KCTD8: variants seen among roughly 807,000 people sequenced by gnomAD.
KCTD8 encodes BTB/POZ domain-containing protein KCTD8.
KCTD8 carries 27 observed loss-of-function variants against 31.5 expected under a neutral mutation model. The observed-to-expected ratio is 0.86, with a 90% CI of 0.63 to 1.18. The LOEUF (loss-of-function observed/expected upper bound fraction) is 1.18, where lower values mean the gene tolerates loss of function less well. Among genes scored for constraint, KCTD8 ranks in the 50% most tolerant of loss-of-function variants. The pLI is 0.00. For synonymous variants in KCTD8, 290 were observed against 280.0 expected (o/e 1.04, Z -0.36); for missense variants, 658 against 647.7 (o/e 1.02, Z -0.17).
intron 1 of KCTD8, among the ~76,000 whole-genome samples, chr4:44,414,394 C>T (rs1721025767): frequency 1.3e-5 from 2 of 152,124 alleles, no homozygotes; most frequent in Admixed American, 6.5e-5. Flanking sequence ...ACCATGCAGA[C>T]TTCCAATGAC....
intron 1 of KCTD8, among the ~76,000 whole-genome samples, chr4:44,301,936 G>T (rs1466606914): frequency 3.3e-5 from 5 of 152,236 alleles, no homozygotes; most frequent in Non-Finnish European, 5.9e-5. Flanking sequence ...TTCTACATAT[G>T]GCTAGCCAGT....
At chr4:44,266,820 G>C (rs1716384933) in intron 1 of KCTD8, among the ~76,000 whole-genome samples, 1 of 152,030 alleles carries the variant, frequency 6.6e-6, no homozygotes, top group Non-Finnish European at 1.5e-5. Context: ...ATGGTAAAGG[G>C]ATCAATTCAA....
chr4:44,358,058 C>G (rs1451056803), intron 1 of KCTD8, among the ~76,000 whole-genome samples: 1 of 151,854 alleles, frequency 6.6e-6, no homozygotes, highest in Non-Finnish European at 1.5e-5. Flanking sequence ...AGCCCCCCAC[C>G]CCCCAAAGCC....
chr4:44,339,956 A>G (rs914501410), intron 1 of KCTD8, among the ~76,000 whole-genome samples: 5 of 152,192 alleles, frequency 3.3e-5, no homozygotes, highest in Non-Finnish European at 5.9e-5. Context: ...AAAACTCAAT[A>G]AAAATTGGAA....
At chr4:44,386,260 C>T (rs191584149) in intron 1 of KCTD8, among the ~76,000 whole-genome samples, 96 of 151,490 alleles carry the variant, frequency 6.3e-4, no homozygotes, top group Admixed American at 3.6e-3. Context: ...TGTTTAGAGA[C>T]GCCATATTCA....
intron 1 of KCTD8, among the ~76,000 whole-genome samples, chr4:44,237,190 C>T (rs796663758): frequency 7.2e-5 from 11 of 152,188 alleles, no homozygotes; most frequent in African/African-American, 2.4e-4. Context: ...GAATTTCCCA[C>T]TGCACTCCTA....
chr4:44,319,716 T>C (rs1338177478), intron 1 of KCTD8, among the ~76,000 whole-genome samples: 1 of 151,990 alleles, frequency 6.6e-6, no homozygotes, highest in Non-Finnish European at 1.5e-5. Flanking sequence ...TGCCAAAAAG[T>C]AAAGAATTTG....
At chr4:44,197,023 T>C (rs1713964395) in intron 1 of KCTD8, among the ~76,000 whole-genome samples, 1 of 152,168 alleles carries the variant, frequency 6.6e-6, no homozygotes, top group Non-Finnish European at 1.5e-5. Flanking sequence ...ACTTGCTAGC[T>C]TGGGCTTCCA....
intron 1 of KCTD8, among the ~76,000 whole-genome samples, chr4:44,283,842 C>T (rs972421923): frequency 1.3e-5 from 2 of 152,082 alleles, no homozygotes; most frequent in African/African-American, 4.8e-5. Context: ...AACAGACAAA[C>T]AGAGAGCCAA....
At chr4:44,237,641 T>G (rs1056558944) in intron 1 of KCTD8, among the ~76,000 whole-genome samples, 1 of 152,208 alleles carries the variant, frequency 6.6e-6, no homozygotes, top group African/African-American at 2.4e-5. Context: ...AAAAGAGGAA[T>G]TATGTTATTA....
At position 44,423,644 on chromosome 4, in the gene KCTD8, G is replaced by C. The variant is rs1013903729; in HGVS notation, c.961+23919C>G. On this transcript the variant is annotated intron_variant, in intron 1 of 1. Coordinates refer to ENST00000360029, the MANE Select transcript of KCTD8 (RefSeq NM_198353.3). ...TCTAAAGACAAATGGAGGGTGGAAA[G>C]TTAACAGGAAATAAAGTAAGTAATA... 3.3e-5 allele frequency among the ~76,000 whole-genome samples: 5 copies of C among 152,148 alleles called. No homozygotes were observed. The East Asian group carries it at 7.7e-4, about 24-fold the overall frequency.
chr4:44,425,330 C>T (rs1041659580), intron 1 of KCTD8, among the ~76,000 whole-genome samples: 8 of 151,976 alleles, frequency 5.3e-5, no homozygotes, highest in African/African-American at 1.9e-4. Context: ...AAACAAATAA[C>T]AGAGAAAATG....
intron 1 of KCTD8, among the ~76,000 whole-genome samples, chr4:44,192,604 A>G (rs1263514017): frequency 6.6e-6 from 1 of 152,164 alleles, no homozygotes; most frequent in African/African-American, 2.4e-5. Flanking sequence ...ATCCTTCAGC[A>G]ACATGTCACT....
intron 1 of KCTD8, among the ~76,000 whole-genome samples, chr4:44,371,091 C>T (rs1007000983): frequency 6.6e-6 from 1 of 151,792 alleles, no homozygotes; most frequent in African/African-American, 2.4e-5. Context: ...AGTCTTATGG[C>T]CCAAGAACCA....
intron 1 of KCTD8, among the ~76,000 whole-genome samples, chr4:44,372,023 G>A (rs1002432719): frequency 6.6e-6 from 1 of 152,008 alleles, no homozygotes; most frequent in African/African-American, 2.4e-5. Context: ...AAATTAAATT[G>A]GTGACAATCT....
chr4:44,252,851 T>A (rs17641641), intron 1 of KCTD8, among the ~76,000 whole-genome samples: 1 of 151,580 alleles, frequency 6.6e-6, no homozygotes, highest in Non-Finnish European at 1.5e-5. Flanking sequence ...GTCTCACAAA[T>A]TGAAAAGAGG....
chr4:44,319,897 C>A (rs536007319), intron 1 of KCTD8, among the ~76,000 whole-genome samples: 1 of 151,956 alleles, frequency 6.6e-6, no homozygotes, highest in African/African-American at 2.4e-5. Flanking sequence ...CTAGGCCGGG[C>A]GCAGTGGCTC....
chr4:44,212,463 C>T (rs1714519383), intron 1 of KCTD8, among the ~76,000 whole-genome samples: 1 of 151,984 alleles, frequency 6.6e-6, no homozygotes, highest in Admixed American at 6.6e-5. Flanking sequence ...ATAGTTTGTC[C>T]TATGGAACTC....
chr4:44,235,510 A>C (rs1577845512), intron 1 of KCTD8, among the ~76,000 whole-genome samples: 2 of 119,114 alleles, frequency 1.7e-5, no homozygotes, highest in Non-Finnish European at 3.6e-5. Context: ...TGTATACAGA[A>C]AGAGAGACAC....
Sources: gnomAD v4.1 joint callset for allele counts (sites outside exome capture counted in the v4.1 genomes callset) on GRCh38, gnomAD v4.1.1 for gene constraint, MANE v1.5 for transcripts, NCBI Gene and HGNC (gene_info 2026-07-23, HGNC 2026-07-21) for gene names.